Variants in NAV2 observed in about 807,000 individuals in gnomAD.
NAV2 encodes helicase, APC down-regulated 1.
Under a neutral mutation model 223.2 loss-of-function variants are expected in NAV2, and 54 were observed. That is an observed-to-expected ratio of 0.24 (90% CI 0.19 to 0.30). NAV2 has a LOEUF of 0.30. NAV2 is among the 10% of genes least tolerant of loss of function. The probability of loss-of-function intolerance (pLI) is 1.00; values close to 1 mark genes in which losing one functional copy is unlikely to be tolerated. For missense variants in NAV2, 2,806 were observed against 3,147.5 expected, an observed-to-expected ratio of 0.89 and a Z score of 2.60; for synonymous variants, 1,279 against 1,239.3, an observed-to-expected ratio of 1.03 and a Z score of -0.67.
intron 1 of NAV2, among the ~76,000 whole-genome samples, chr11:19,756,167 TG>T (rs562498386): frequency 1.3e-3 from 202 of 152,272 alleles, no homozygotes; most frequent in Non-Finnish European, 2.3e-3. Context: ...AATGAATCTG[TG>T]GGTTGGTTAC....
chr11:19,739,719 C>A (rs1199715362), intron 1 of NAV2, among the ~76,000 whole-genome samples: 1 of 152,114 alleles, frequency 6.6e-6, no homozygotes, highest in Non-Finnish European at 1.5e-5. Flanking sequence ...AGTTTATAAT[C>A]CCTAGCTAAA....
intron 1 of NAV2, among the ~76,000 whole-genome samples, chr11:19,654,666 G>A (rs1177828639): frequency 6.6e-6 from 1 of 152,220 alleles, no homozygotes. Context: ...AATAAATGGT[G>A]CTGGGAAAAC....
chr11:20,039,803 A>G (rs376487851), intron 12 of NAV2, among the ~76,000 whole-genome samples: 14 of 152,364 alleles, frequency 9.2e-5, no homozygotes, highest in African/African-American at 3.4e-4. Context: ...GGAAAAAGAT[A>G]ATTCCATGTC....
Position 19,713,186 on chromosome 11 carries a change from C to T in NAV2, c.-510C>T, listed in dbSNP as rs1247270764. 3 of 453,146 alleles carry T rather than the reference C, an allele frequency of 6.6e-6. No homozygotes were observed. Among genetic ancestry groups the T allele is most frequent in the Non-Finnish European group, 8.7e-6 (3 of 343,492 alleles). The allele number at this position is 453,146 out of a possible 1,614,324, so 28.1% of individuals were successfully genotyped here. ...GGGACCCTTGCGCCCTTCTTCTCTC[C>T]TTCCTTCGCTGCTGTCTCCTTTCCT... On this transcript the variant is annotated 5_prime_UTR_variant, in exon 1 of 38. Coordinates refer to ENST00000349880, the MANE Select transcript of NAV2 (RefSeq NM_145117.5). The surrounding 1 kb of genome is among the most constrained non-coding windows in gnomAD (Gnocchi z 7.2).
intron 1 of NAV2, among the ~76,000 whole-genome samples, chr11:19,379,655 G>A (rs908794066): frequency 7.9e-5 from 12 of 152,232 alleles, no homozygotes; most frequent in South Asian, 2.1e-4. Flanking sequence ...GCATCTTCCC[G>A]GTCCTGTTGT....
At chr11:20,005,581 C>A (rs554031381) in intron 11 of NAV2, among the ~76,000 whole-genome samples, 1 of 141,760 alleles carries the variant, frequency 7.1e-6, no homozygotes, top group African/African-American at 2.6e-5. Flanking sequence ...AAAAAAAAAA[C>A]GAGAAATGAG....
intron 1 of NAV2, among the ~76,000 whole-genome samples, chr11:19,593,403 C>G (rs1210220602): frequency 6.7e-6 from 1 of 148,842 alleles, no homozygotes; most frequent in African/African-American, 2.6e-5. Flanking sequence ...CACCGATATA[C>G]CACTGATACA....
chr11:19,548,726 A>C (rs1269017775), intron 1 of NAV2, among the ~76,000 whole-genome samples: 2 of 151,614 alleles, frequency 1.3e-5, no homozygotes, highest in Non-Finnish European at 2.9e-5. Flanking sequence ...AAAAAAAAAA[A>C]AATTAGCCAG....
Position 19,959,911 on chromosome 11 carries a change from C to T in NAV2, c.2645+10831C>T, listed in dbSNP as rs1388490772. ...CTGTCTGCTGTCTTGTTGGAACGGA[C>T]CTCCTGCCCTTCCGGGGCTCTTCAC... On this transcript the variant is annotated intron_variant, in intron 10 of 37. Coordinates refer to ENST00000349880, the MANE Select transcript of NAV2 (RefSeq NM_145117.5). Among the ~76,000 whole-genome samples the T allele has an allele frequency of 2.6e-5, 4 of 152,312 alleles. No homozygotes were observed. The South Asian group carries it at 8.3e-4, about 32-fold the overall frequency.
intron 1 of NAV2, among the ~76,000 whole-genome samples, chr11:19,577,008 T>C (rs969555417): frequency 9.2e-5 from 14 of 152,242 alleles, no homozygotes; most frequent in Non-Finnish European, 1.6e-4. Context: ...AGCAGGAATT[T>C]GTCTTTTACT....
intron 1 of NAV2, among the ~76,000 whole-genome samples, chr11:19,600,296 C>T (rs565953645): frequency 2.0e-5 from 3 of 152,230 alleles, no homozygotes; most frequent in Non-Finnish European, 4.4e-5. Flanking sequence ...ACAAGAATCT[C>T]TCAGAGACAG....
intron 6 of NAV2, among the ~76,000 whole-genome samples, chr11:19,906,582 A>T (rs1446081388): frequency 6.6e-6 from 1 of 152,224 alleles, no homozygotes; most frequent in East Asian, 1.9e-4. Context: ...CTCATTTAAG[A>T]TGTACTAAGA....
intron 4 of NAV2, among the ~76,000 whole-genome samples, chr11:19,874,585 A>G (rs141208404): frequency 1.3e-5 from 2 of 152,310 alleles, no homozygotes; most frequent in Admixed American, 6.5e-5. Context: ...ACCAAGCCTC[A>G]TGGAACACAG....
intron 6 of NAV2, among the ~76,000 whole-genome samples, chr11:19,921,908 G>C (rs1437451497): frequency 2.0e-5 from 3 of 152,192 alleles, no homozygotes; most frequent in Non-Finnish European, 4.4e-5. Context: ...CTTAACATGT[G>C]TTGTTAGTAA....
intron 1 of NAV2, among the ~76,000 whole-genome samples, chr11:19,690,556 C>T (rs1273272824): frequency 6.6e-6 from 1 of 152,070 alleles, no homozygotes; most frequent in Admixed American, 6.5e-5. Context: ...AATAAGTGCT[C>T]AAAAATGTTA....
At chr11:20,075,107 A>G (rs1198997887) in intron 22 of NAV2, among the ~76,000 whole-genome samples, 1 of 152,080 alleles carries the variant, frequency 6.6e-6, no homozygotes, top group African/African-American at 2.4e-5. Context: ...CAACTATGTG[A>G]CTGTCATAAA....
intron 1 of NAV2, among the ~76,000 whole-genome samples, chr11:19,779,627 G>T (rs887785742): frequency 2.0e-5 from 3 of 152,168 alleles, no homozygotes; most frequent in African/African-American, 7.2e-5. Flanking sequence ...TTTGTAAAAG[G>T]CTGTTTTACA....
chr11:19,623,627 A>T (rs976224273), intron 1 of NAV2, among the ~76,000 whole-genome samples: 1 of 152,160 alleles, frequency 6.6e-6, no homozygotes, highest in Non-Finnish European at 1.5e-5. Context: ...AGGTCATTTG[A>T]GGTCTTCTCT....
intron 1 of NAV2, among the ~76,000 whole-genome samples, chr11:19,540,489 T>C (rs540189262): frequency 3.9e-5 from 6 of 152,332 alleles, no homozygotes; most frequent in South Asian, 2.1e-4. Flanking sequence ...CCCATTCCCA[T>C]TAAATGCAGC....
Sources: allele counts gnomAD v4.1 joint callset (sites outside exome capture counted in the v4.1 genomes callset), GRCh38; gene constraint gnomAD v4.1.1; non-coding constraint Gnocchi (gnomAD v3.1); transcripts MANE v1.5; gene names NCBI Gene and HGNC (gene_info 2026-07-23, HGNC 2026-07-21).